Variants in PHLPP1 observed in about 807,000 individuals in gnomAD.
The protein encoded by PHLPP1 is PH domain and leucine rich repeat protein phosphatase 1.
In PHLPP1, 42 loss-of-function variants were observed where a neutral mutation model predicts 117.2. That is an observed-to-expected ratio of 0.36 (90% CI 0.28 to 0.46). The LOEUF is 0.46. Ranked by LOEUF, PHLPP1 falls within the 20% of genes least tolerant of loss-of-function variation. The probability of loss-of-function intolerance (pLI) is 1.00; values close to 1 mark genes in which losing one functional copy is unlikely to be tolerated. For synonymous variants in PHLPP1, 1,042 were observed against 970.7 expected (o/e 1.07, Z -1.37); for missense variants, 2,084 against 2,241.9 (o/e 0.93, Z 1.42).
At chr18:62,894,055 T>C (rs377190221) in intron 4 of PHLPP1, among the ~76,000 whole-genome samples, 2 of 152,058 alleles carry the variant, frequency 1.3e-5, no homozygotes, top group African/African-American at 4.8e-5. Context: ...AAAACCTATC[T>C]ATGAAGATTA....
At position 62,859,804 on chromosome 18, in the gene PHLPP1, A is replaced by C. The variant is rs1286467846; in HGVS notation, c.1900-631A>C. Among the ~76,000 whole-genome samples the C allele has an allele frequency of 3.3e-5, 5 of 152,202 alleles. No homozygotes were observed. The East Asian group carries it at 9.6e-4, about 29-fold the overall frequency. On this transcript the variant is annotated intron_variant, in intron 3 of 16. Transcript: ENST00000262719. ...TGCATTGGAGGAGATTACTGATATC[A>C]CTAAACCTGATGGAATAATCTATGT...
intron 4 of PHLPP1, among the ~76,000 whole-genome samples, chr18:62,887,697 A>G (rs538250033): frequency 1.3e-5 from 2 of 152,334 alleles, no homozygotes; most frequent in Admixed American, 6.5e-5. Flanking sequence ...ATTGGGGATT[A>G]AGTTTCAACA....
At chr18:62,719,547 A>G (rs1197850048) in intron 1 of PHLPP1, among the ~76,000 whole-genome samples, 2 of 152,222 alleles carry the variant, frequency 1.3e-5, no homozygotes, top group Non-Finnish European at 2.9e-5. Context: ...AGAATATAGG[A>G]CACCTCAACA....
chr18:62,966,802 G>A (rs371921251), intron 14 of PHLPP1, among the ~76,000 whole-genome samples: 1 of 152,094 alleles, frequency 6.6e-6, no homozygotes, highest in African/African-American at 2.4e-5. Context: ...ATATCATCAT[G>A]TGTAACCACC....
At chr18:62,721,953 T>C (rs937403393) in intron 1 of PHLPP1, among the ~76,000 whole-genome samples, 4 of 152,216 alleles carry the variant, frequency 2.6e-5, no homozygotes, top group Non-Finnish European at 5.9e-5. Context: ...AAGCCTAGTA[T>C]AGTCCTTGGC....
chr18:62,776,016 G>A (rs1011121229), intron 1 of PHLPP1, among the ~76,000 whole-genome samples: 3 of 151,906 alleles, frequency 2.0e-5, no homozygotes, highest in Middle Eastern at 3.2e-3. Context: ...CAATAAGATA[G>A]CCTATCTATG....
chr18:62,877,498 A>G (rs1916076808), intron 4 of PHLPP1, among the ~76,000 whole-genome samples: 1 of 152,264 alleles, frequency 6.6e-6, no homozygotes. Flanking sequence ...TATGTAAAAG[A>G]AAAACAGCAC....
chr18:62,920,902 T>G (rs567675564), intron 10 of PHLPP1, among the ~76,000 whole-genome samples: 9 of 152,292 alleles, frequency 5.9e-5, no homozygotes, highest in African/African-American at 2.2e-4. Flanking sequence ...TTATCATAAT[T>G]AATTCCACAT....
chr18:62,803,130 A>C (rs896010023), intron 1 of PHLPP1, among the ~76,000 whole-genome samples: 1 of 152,224 alleles, frequency 6.6e-6, no homozygotes, highest in African/African-American at 2.4e-5. Context: ...CTGGAAGACT[A>C]TGCTCTCTGG....
chr18:62,832,238 A>T (rs992716167), intron 2 of PHLPP1: 1 of 152,270 alleles, frequency 6.6e-6, no homozygotes, highest in East Asian at 1.9e-4. Flanking sequence ...TTGTATCAGA[A>T]GATGAAGTAG....
chr18:62,973,520 G>A (rs1911110288), intron 15 of PHLPP1, among the ~76,000 whole-genome samples: 3 of 152,164 alleles, frequency 2.0e-5, no homozygotes, highest in African/African-American at 4.8e-5. Flanking sequence ...ATCCTTATCT[G>A]CTCTTTCTCT....
intron 1 of PHLPP1, among the ~76,000 whole-genome samples, chr18:62,787,992 T>G (rs1371351740): frequency 6.6e-6 from 1 of 152,226 alleles, no homozygotes; most frequent in African/African-American, 2.4e-5. Flanking sequence ...GCTAGTTTTA[T>G]TAGACCTCAA....
In PHLPP1 at chr18:62,807,436, A is replaced by G. The variant is rs570091248; in HGVS notation, c.1577-22599A>G. On this transcript the variant is annotated intron_variant, in intron 1 of 16. Transcript: ENST00000262719. ...TTATGATTTCTTGGGGAGAAGCATA[A>G]AGAAGAAGGTATAATTCTTGTATTC... 5.9e-5 allele frequency among the ~76,000 whole-genome samples: 9 copies of G among 152,322 alleles called. No homozygotes were observed. In the South Asian group the frequency reaches 1.9e-3, roughly 32 times the overall value.
chr18:62,872,646 C>T (rs574137368), intron 4 of PHLPP1, among the ~76,000 whole-genome samples: 58 of 148,766 alleles, frequency 3.9e-4, no homozygotes, highest in African/African-American at 1.3e-3. Context: ...GAGCAGAGAT[C>T]GCGCCACTGG....
chr18:62,729,491 G>A (rs1568096121), intron 1 of PHLPP1, among the ~76,000 whole-genome samples: 1 of 152,144 alleles, frequency 6.6e-6, no homozygotes, highest in African/African-American at 2.4e-5. Flanking sequence ...GAGGTCAGGA[G>A]TTCGAGACCC....
chr18:62,957,127 AC>A (rs1910632359), intron 12 of PHLPP1, among the ~76,000 whole-genome samples: 1 of 152,082 alleles, frequency 6.6e-6, no homozygotes, highest in Non-Finnish European at 1.5e-5. Flanking sequence ...AATGCTCTCC[AC>A]CCCATACTAT....
rs149237055 is a variant in PHLPP1 at position 62,931,738 on chromosome 18, C to T, written c.2961-9980C>T. Among the ~76,000 whole-genome samples, 901 of 151,730 alleles carry T rather than the reference C, an allele frequency of 5.9e-3. 13 individuals are homozygous for T. Among genetic ancestry groups the T allele is most frequent in the African/African-American group, 0.021 (862 of 41,384 alleles). ...TGAAACCCCATCTCTACTAAAAATACAAAACAATTAGCTGGGCATGGTGGC... is the reference window on the plus strand; with the variant it reads ...TGAAACCCCATCTCTACTAAAAATATAAAACAATTAGCTGGGCATGGTGGC... On this transcript the variant is annotated intron_variant, in intron 10 of 16. Transcript: ENST00000262719.
Position 62,864,479 on chromosome 18 carries a change from C to G in PHLPP1, c.2066+3878C>G, listed in dbSNP as rs568698918. 3.3e-5 allele frequency among the ~76,000 whole-genome samples: 5 copies of G among 152,164 alleles called. No homozygotes were observed. The South Asian group carries it at 1.0e-3, about 31-fold the overall frequency. On this transcript the variant is annotated intron_variant, in intron 4 of 16. Coordinates refer to ENST00000262719, the MANE Select transcript of PHLPP1 (RefSeq NM_194449.4). ...GGTAGAGAGGAGGTCAGTCACAAAG[C>G]GTAGGTCTGGCGAGGGCCATTGATA... is the stretch of plus-strand genomic sequence containing the variant.
At chr18:62,820,533 G>A (rs896610704) in intron 1 of PHLPP1, among the ~76,000 whole-genome samples, 3 of 152,174 alleles carry the variant, frequency 2.0e-5, no homozygotes, top group East Asian at 1.9e-4. Context: ...CAGTTTCCCC[G>A]ATGCCATTCT....
Sources: allele counts gnomAD v4.1 joint callset (sites outside exome capture counted in the v4.1 genomes callset), GRCh38; gene constraint gnomAD v4.1.1; transcripts MANE v1.5; gene names NCBI Gene and HGNC (gene_info 2026-07-23, HGNC 2026-07-21).